TENM3: variants seen among roughly 807,000 people sequenced by gnomAD.
TENM3 encodes the protein teneurin-3.
A neutral mutation model predicts 255.1 loss-of-function variants in TENM3; 63 were observed. The ratio of observed to expected loss-of-function variants is 0.25; its 90% CI spans 0.20 to 0.30. The LOEUF is 0.30. Among genes scored for constraint, TENM3 ranks in the 10% least tolerant of loss-of-function variants. The pLI, the probability that TENM3 is intolerant of heterozygous loss-of-function variation, is 1.00. For missense variants in TENM3, 2,929 were observed against 3,461.1 expected, an observed-to-expected ratio of 0.85 and a Z score of 3.86; for synonymous variants, 1,306 against 1,322.3, an observed-to-expected ratio of 0.99 and a Z score of 0.27.
chr4:182,378,842 A>G (rs936231705), intron 3 of TENM3, among the ~76,000 whole-genome samples: 1 of 152,188 alleles, frequency 6.6e-6, no homozygotes, highest in African/African-American at 2.4e-5. Context: ...CAACTTGCCT[A>G]AGAACCTGGA....
chr4:182,001,836 A>G, the TENM3 span, among the ~76,000 whole-genome samples: 50 of 152,142 alleles, frequency 3.3e-4, 1 homozygote, highest in Non-Finnish European at 5.3e-4. Context: ...ATTTTATTCT[A>G]TATGAGAGAC....
At chr4:182,797,961 G>A (rs901153163) in intron 27 of TENM3, among the ~76,000 whole-genome samples, 1 of 142,088 alleles carries the variant, frequency 7.0e-6, no homozygotes, top group Non-Finnish European at 1.6e-5. Flanking sequence ...AAATATAGTC[G>A]TGTGTGTGCA....
chr4:182,145,032 AG>A (rs1749845818), intron 1 of TENM3: 2 of 151,606 alleles, frequency 1.3e-5, no homozygotes, highest in African/African-American at 2.4e-5. Flanking sequence ...CGTACTGGGG[AG>A]CCCCGGGGTC....
chr4:182,650,889 A>AAAAAATATATATATATATATAT (rs1281790163), intron 5 of TENM3, among the ~76,000 whole-genome samples: 8 of 29,690 alleles, frequency 2.7e-4, no homozygotes, highest in Admixed American at 3.6e-4. Context: ...AATAAAAAAA[A>AAAAAATATATATATATATATAT]ATATATATAT....
chr4:181,710,036 G>A, the TENM3 span, among the ~76,000 whole-genome samples: 1 of 152,124 alleles, frequency 6.6e-6, no homozygotes, highest in East Asian at 1.9e-4. Flanking sequence ...CCAGTGTTGG[G>A]GGGACAGTGG....
At chr4:181,999,965 C>G in the TENM3 span, among the ~76,000 whole-genome samples, 2 of 152,006 alleles carry the variant, frequency 1.3e-5, no homozygotes, top group Non-Finnish European at 2.9e-5. Context: ...TAATAAGAAA[C>G]TCCATACCTT....
the TENM3 span, among the ~76,000 whole-genome samples, chr4:181,950,473 C>T: frequency 6.6e-6 from 1 of 152,124 alleles, no homozygotes; most frequent in Non-Finnish European, 1.5e-5. Context: ...TGCTCCATTG[C>T]ATATTAACAC....
At chr4:182,097,768 C>T in the TENM3 span, among the ~76,000 whole-genome samples, 1 of 152,156 alleles carries the variant, frequency 6.6e-6, no homozygotes, top group African/African-American at 2.4e-5. Context: ...AAGTTCTGAG[C>T]TAAGCACTTT....
At chr4:182,535,064 C>T (rs1006595844) in intron 3 of TENM3, among the ~76,000 whole-genome samples, 8 of 152,124 alleles carry the variant, frequency 5.3e-5, no homozygotes, top group African/African-American at 1.9e-4. Flanking sequence ...CAAATTAGCC[C>T]AGTGCAGAGA....
At chr4:182,510,428 A>G (rs1737275729) in intron 3 of TENM3, among the ~76,000 whole-genome samples, 2 of 152,206 alleles carry the variant, frequency 1.3e-5, no homozygotes, top group African/African-American at 4.8e-5. Context: ...ACTTGCCTAA[A>G]AGACTTCTCA....
At chr4:182,621,740 A>ATG (rs1750246278) in intron 4 of TENM3, among the ~76,000 whole-genome samples, 1 of 35,816 alleles carries the variant, frequency 2.8e-5, no homozygotes, top group African/African-American at 9.2e-5. Flanking sequence ...AATATATAAT[A>ATG]TATAATATAT....
At chr4:182,738,788 C>T (rs1317512945) in intron 18 of TENM3, among the ~76,000 whole-genome samples, 1 of 152,012 alleles carries the variant, frequency 6.6e-6, no homozygotes, top group Non-Finnish European at 1.5e-5. Flanking sequence ...ATGATTTTCC[C>T]ATTAGAATGT....
chr4:182,753,362 A>C (rs1762508018), intron 20 of TENM3, 88 bp from the exon 21 acceptor site: 7 of 1,155,422 alleles, frequency 6.1e-6, no homozygotes, highest in African/African-American at 1.5e-5. Flanking sequence ...CACTGGGGTT[A>C]AATAACTGAG....
intron 1 of TENM3, among the ~76,000 whole-genome samples, chr4:182,310,771 A>C (rs1762394518): frequency 6.6e-6 from 1 of 151,644 alleles, no homozygotes; most frequent in Non-Finnish European, 1.5e-5. Flanking sequence ...CAGTGGCACG[A>C]TCTTGGCTCA....
intron 4 of TENM3, among the ~76,000 whole-genome samples, chr4:182,621,736 T>TTATATATAA (rs1750242244): frequency 2.3e-4 from 1 of 4,388 alleles, no homozygotes; most frequent in Non-Finnish European, 6.5e-4. Flanking sequence ...ATAAAATATA[T>TTATATATAA]AATATATAAT....
At chr4:181,702,984 C>G in the TENM3 span, among the ~76,000 whole-genome samples, 1 of 152,148 alleles carries the variant, frequency 6.6e-6, no homozygotes, top group African/African-American at 2.4e-5. Flanking sequence ...ATCATATTAA[C>G]TCACTGAATC....
intron 3 of TENM3, among the ~76,000 whole-genome samples, chr4:182,410,361 T>C (rs1769901038): frequency 2.6e-5 from 4 of 152,298 alleles, no homozygotes; most frequent in Admixed American, 2.6e-4. Flanking sequence ...GCTTGTGTGG[T>C]CCTGAGTGCA....
At chr4:182,104,507 T>A in the TENM3 span, among the ~76,000 whole-genome samples, 19 of 130,580 alleles carry the variant, frequency 1.5e-4, no homozygotes, top group Admixed American at 1.3e-3. Flanking sequence ...TTGACTCTTT[T>A]TTTTTTTTTT....
At chr4:182,048,953 T>C in the TENM3 span, among the ~76,000 whole-genome samples, 1 of 152,270 alleles carries the variant, frequency 6.6e-6, no homozygotes, top group South Asian at 2.1e-4. Flanking sequence ...ATGTGGCCAA[T>C]TAGAGGAGCT....
Sources: allele counts gnomAD v4.1 joint callset (sites outside exome capture counted in the v4.1 genomes callset), GRCh38; gene constraint gnomAD v4.1.1; transcripts MANE v1.5; gene names NCBI Gene and HGNC (gene_info 2026-07-23, HGNC 2026-07-21).